CNTN5: variants seen among roughly 807,000 people sequenced by gnomAD.
CNTN5 encodes contactin 5.
A neutral mutation model predicts 129.1 loss-of-function variants in CNTN5; 77 were observed. The ratio of observed to expected loss-of-function variants is 0.60; its 90% CI spans 0.50 to 0.72. The LOEUF is 0.72. Ranked by LOEUF, CNTN5 falls within the 30% of genes least tolerant of loss-of-function variation. CNTN5 has a pLI of 0.00. For synonymous variants in CNTN5, 509 were observed against 465.6 expected (o/e 1.09, Z -1.20); for missense variants, 1,478 against 1,328.8 (o/e 1.11, Z -1.75).
At chr11:99,448,659 C>T (rs1591075759) in intron 2 of CNTN5, among the ~76,000 whole-genome samples, 1 of 151,560 alleles carries the variant, frequency 6.6e-6, no homozygotes, top group Non-Finnish European at 1.5e-5. Flanking sequence ...TAAAGATTTA[C>T]TCTTGTTGTA....
chr11:99,453,032 T>C (rs950969603), intron 2 of CNTN5, among the ~76,000 whole-genome samples: 1 of 152,196 alleles, frequency 6.6e-6, no homozygotes, highest in African/African-American at 2.4e-5. Context: ...CGGTGTGCTG[T>C]GCTGTTAGTC....
chr11:99,437,891 C>T (rs967796283), intron 2 of CNTN5, among the ~76,000 whole-genome samples: 4 of 152,110 alleles, frequency 2.6e-5, no homozygotes, highest in Non-Finnish European at 5.9e-5. Context: ...AATAAAACTT[C>T]CCAAATTTTC....
At chr11:99,917,355 G>GT (rs1949819566) in intron 7 of CNTN5, among the ~76,000 whole-genome samples, 1 of 151,950 alleles carries the variant, frequency 6.6e-6, no homozygotes, top group East Asian at 1.9e-4. Context: ...CCAGATTTAG[G>GT]TTCTTTCAAG....
intron 13 of CNTN5, among the ~76,000 whole-genome samples, chr11:100,160,963 C>A (rs1457665319): frequency 6.6e-6 from 1 of 151,838 alleles, no homozygotes; most frequent in African/African-American, 2.4e-5. Flanking sequence ...GGATCCAGAT[C>A]AGTATGACTC....
intron 1 of CNTN5, among the ~76,000 whole-genome samples, chr11:99,193,555 G>T: frequency 6.6e-6 from 1 of 152,096 alleles, no homozygotes; most frequent in East Asian, 1.9e-4. Context: ...AATGCAGTAT[G>T]GTAACATGTC....
At chr11:99,326,911 G>A (rs879766337) in intron 2 of CNTN5, among the ~76,000 whole-genome samples, 3 of 152,168 alleles carry the variant, frequency 2.0e-5, no homozygotes, top group Non-Finnish European at 4.4e-5. Context: ...CAATAAGAAT[G>A]ATTTAAGAAT....
chr11:99,317,854 C>G (rs1865407901), intron 1 of CNTN5, among the ~76,000 whole-genome samples: 2 of 152,062 alleles, frequency 1.3e-5, no homozygotes, highest in Non-Finnish European at 2.9e-5. Flanking sequence ...ATAAATAGTT[C>G]AATTGCTAAT....
chr11:100,202,749 G>GT (rs1948811907), intron 15 of CNTN5, among the ~76,000 whole-genome samples: 2 of 151,724 alleles, frequency 1.3e-5, no homozygotes, highest in Non-Finnish European at 2.9e-5. Flanking sequence ...TAACTACACT[G>GT]TTAGTCAGCC....
chr11:99,414,738 G>T (rs1565563323), intron 2 of CNTN5, among the ~76,000 whole-genome samples: 1 of 152,082 alleles, frequency 6.6e-6, no homozygotes, highest in Non-Finnish European at 1.5e-5. Context: ...GCACAGAGAA[G>T]AGTGCCCAAA....
intron 1 of CNTN5, among the ~76,000 whole-genome samples, chr11:99,143,842 G>GAA (rs1859652372): frequency 6.6e-6 from 1 of 151,976 alleles, no homozygotes; most frequent in Non-Finnish European, 1.5e-5. Flanking sequence ...TAAGACTTTT[G>GAA]AAAAGACCTG....
intron 3 of CNTN5, among the ~76,000 whole-genome samples, chr11:99,660,976 A>G (rs1462654658): frequency 6.6e-6 from 1 of 152,060 alleles, no homozygotes; most frequent in Non-Finnish European, 1.5e-5. Context: ...AAATACATTG[A>G]TTATTCTTGT....
chr11:99,355,040 C>T (rs1204109292), intron 2 of CNTN5, among the ~76,000 whole-genome samples: 1 of 152,172 alleles, frequency 6.6e-6, no homozygotes, highest in Non-Finnish European at 1.5e-5. Flanking sequence ...AGACCTTAAT[C>T]ACTGGTAATT....
chr11:99,710,084 C>A (rs960660980), intron 3 of CNTN5, among the ~76,000 whole-genome samples: 1 of 151,752 alleles, frequency 6.6e-6, no homozygotes, highest in Admixed American at 6.6e-5. Context: ...AAGCAAAGAA[C>A]GCACCTGCTA....
At chr11:99,021,556 A>C (rs1373655545) in intron 1 of CNTN5, among the ~76,000 whole-genome samples, 1 of 152,232 alleles carries the variant, frequency 6.6e-6, no homozygotes, top group Non-Finnish European at 1.5e-5. Context: ...TCCTACACGC[A>C]AATTGCAAAT....
At chr11:99,936,122 C>G (rs1244389469) in intron 7 of CNTN5, among the ~76,000 whole-genome samples, 2 of 152,182 alleles carry the variant, frequency 1.3e-5, no homozygotes, top group African/African-American at 2.4e-5. Context: ...GCTCTAGTCT[C>G]TCTTCAATGT....
At chr11:99,450,537 C>T (rs2656171) in intron 2 of CNTN5, among the ~76,000 whole-genome samples, 149,738 of 152,164 alleles carry the variant, frequency 0.98, 73,725 homozygotes, top group East Asian at 1. Context: ...ATTCTATTTC[C>T]TTAAAAGAAA....
intron 1 of CNTN5, among the ~76,000 whole-genome samples, chr11:99,099,957 T>C (rs1017533935): frequency 8.5e-5 from 13 of 152,124 alleles, no homozygotes; most frequent in Non-Finnish European, 1.3e-4. Flanking sequence ...TTTGGACAGA[T>C]TTGGTTGAAA....
chr11:100,163,975 T>C, intron 13 of CNTN5, among the ~76,000 whole-genome samples: 1 of 151,844 alleles, frequency 6.6e-6, no homozygotes, highest in Non-Finnish European at 1.5e-5. Flanking sequence ...GTTGCATAAC[T>C]CACCCAAGGT....
At chr11:99,704,071 A>ATG (rs757501656) in intron 3 of CNTN5, among the ~76,000 whole-genome samples, 7 of 144,048 alleles carry the variant, frequency 4.9e-5, no homozygotes, top group Admixed American at 7.0e-5. Flanking sequence ...GTGTGTGTGT[A>ATG]TGTGTGTGTG....
Sources: gnomAD v4.1 joint callset for allele counts (sites outside exome capture counted in the v4.1 genomes callset) on GRCh38, gnomAD v4.1.1 for gene constraint, MANE v1.5 for transcripts, NCBI Gene and HGNC (gene_info 2026-07-23, HGNC 2026-07-21) for gene names.